Variants in MGAT4C observed in about 807,000 individuals in gnomAD.
The protein encoded by MGAT4C is MGAT4 family member C.
MGAT4C carries 19 observed loss-of-function variants against 40.1 expected under a neutral mutation model. The observed-to-expected ratio is 0.47, with a 90% CI of 0.33 to 0.70. The LOEUF (loss-of-function observed/expected upper bound fraction) is 0.70. Among genes scored for constraint, MGAT4C ranks in the 30% least tolerant of loss-of-function variants. The pLI, the probability that MGAT4C is intolerant of heterozygous loss-of-function variation, is 0.02. For synonymous variants in MGAT4C, 181 were observed against 187.1 expected (o/e 0.97, Z 0.27); for missense variants, 491 against 563.2 (o/e 0.87, Z 1.30).
At chr12:86,590,452 T>C (rs892090805) in intron 2 of MGAT4C, among the ~76,000 whole-genome samples, 3 of 151,946 alleles carry the variant, frequency 2.0e-5, no homozygotes, top group African/African-American at 7.2e-5. Flanking sequence ...CTCTTATATT[T>C]GCTGAAAAAT....
Position 85,966,907 on chromosome 12 carries a change from A to AG in MGAT4C, c.*12381dup, listed in dbSNP as rs1480489951. On this transcript the variant is annotated 3_prime_UTR_variant, in exon 5 of 5. Coordinates refer to ENST00000611864, the MANE Select transcript of MGAT4C (RefSeq NM_001351288.2). ...ACTGGGCCTGTTGTGGGGTCAGGGGAGGGGGGAGGGATAGCATTAGGAGAT... is the reference window on the plus strand; with the variant it reads ...ACTGGGCCTGTTGTGGGGTCAGGGGAGGGGGGGAGGGATAGCATTAGGAGAT... 2.3e-5 allele frequency: 3 copies of AG among 132,946 alleles called. No individual in the cohort carries two copies. Among genetic ancestry groups the AG allele is most frequent in the Non-Finnish European group, 3.3e-5 (2 of 61,536 alleles). The allele number at this position is 132,946 out of a possible 1,614,324, so 8.2% of individuals were successfully genotyped here.
intron 1 of MGAT4C, among the ~76,000 whole-genome samples, chr12:86,230,113 G>A (rs1055165710): frequency 6.6e-6 from 1 of 152,062 alleles, no homozygotes; most frequent in Admixed American, 6.5e-5. Context: ...TCCTATGATA[G>A]TGTCTAGTAT....
intron 1 of MGAT4C, among the ~76,000 whole-genome samples, chr12:86,212,081 G>T (rs1368909414): frequency 6.6e-6 from 1 of 152,176 alleles, no homozygotes; most frequent in Non-Finnish European, 1.5e-5. Flanking sequence ...AATTCAAAGA[G>T]TATAGCCCTA....
intron 1 of MGAT4C, among the ~76,000 whole-genome samples, chr12:86,790,610 T>C (rs1952006183): frequency 6.6e-6 from 1 of 152,118 alleles, no homozygotes; most frequent in Non-Finnish European, 1.5e-5. Flanking sequence ...TAATATCCCA[T>C]AGTTTTGAAG....
At chr12:86,363,582 A>T (rs1955529417) in intron 3 of MGAT4C, among the ~76,000 whole-genome samples, 1 of 152,084 alleles carries the variant, frequency 6.6e-6, no homozygotes, top group Non-Finnish European at 1.5e-5. Context: ...GAAAAACAAC[A>T]CAAAGAGAAA....
At chr12:86,692,853 C>A (rs1251233235) in intron 2 of MGAT4C, among the ~76,000 whole-genome samples, 1 of 152,046 alleles carries the variant, frequency 6.6e-6, no homozygotes, top group African/African-American at 2.4e-5. Flanking sequence ...GTGTACCACA[C>A]AAATTGTTTG....
At chr12:86,492,381 A>C (rs925272616) in intron 2 of MGAT4C, among the ~76,000 whole-genome samples, 4 of 152,160 alleles carry the variant, frequency 2.6e-5, no homozygotes, top group Admixed American at 2.6e-4. Context: ...GCATCACACT[A>C]CCTGACTTCA....
intron 2 of MGAT4C, among the ~76,000 whole-genome samples, chr12:86,556,996 A>C (rs1959642994): frequency 6.6e-6 from 1 of 152,194 alleles, no homozygotes; most frequent in African/African-American, 2.4e-5. Flanking sequence ...ACTCATGAAA[A>C]TATAAGAAGA....
At chr12:86,414,351 G>GT (rs1376009641) in intron 3 of MGAT4C, among the ~76,000 whole-genome samples, 3 of 152,008 alleles carry the variant, frequency 2.0e-5, no homozygotes, top group African/African-American at 7.2e-5. Flanking sequence ...ATACATTTTT[G>GT]TTTTTTAATT....
At chr12:86,597,766 C>A (rs184181793) in intron 2 of MGAT4C, among the ~76,000 whole-genome samples, 2 of 152,096 alleles carry the variant, frequency 1.3e-5, no homozygotes, top group African/African-American at 4.8e-5. Context: ...CAATCAATCA[C>A]CCCAATTTCC....
chr12:86,190,168 A>T (rs1889219339), intron 1 of MGAT4C, among the ~76,000 whole-genome samples: 1 of 152,092 alleles, frequency 6.6e-6, no homozygotes, highest in African/African-American at 2.4e-5. Context: ...GAAATGGAAA[A>T]GTCCTAACAA....
intron 4 of MGAT4C, among the ~76,000 whole-genome samples, chr12:86,300,472 T>G: frequency 6.6e-6 from 1 of 152,216 alleles, no homozygotes; most frequent in Non-Finnish European, 1.5e-5. Flanking sequence ...TCTAGGTATA[T>G]ATAGAGTACA....
intron 1 of MGAT4C, among the ~76,000 whole-genome samples, chr12:86,193,361 T>C (rs2135909290): frequency 6.6e-6 from 1 of 152,052 alleles, no homozygotes; most frequent in African/African-American, 2.4e-5. Context: ...ACCATAGAAC[T>C]TCTCTCCTCA....
At position 86,712,759 on chromosome 12, in the gene MGAT4C, G is replaced by T. The variant is rs76833873; in HGVS notation, c.-229+14450C>A. On this transcript the variant is annotated intron_variant, in intron 2 of 7. Transcript: ENST00000548651. ...TCAAGTCAGGTACCAGGAAGGAAAA[G>T]CTCTACTGAGTTCACACATAAAAGG... 3.4e-3 allele frequency among the ~76,000 whole-genome samples: 522 copies of T among 151,942 alleles called. 1 individual carries two copies. The highest frequency in any genetic ancestry group is 0.012 in the African/African-American group (500 of 41,458).
intron 1 of MGAT4C, among the ~76,000 whole-genome samples, chr12:86,125,656 A>G (rs1310990378): frequency 6.6e-6 from 1 of 152,216 alleles, no homozygotes; most frequent in Non-Finnish European, 1.5e-5. Flanking sequence ...ATTACAATAA[A>G]CAGGAGGGCA....
chr12:86,691,746 T>A (rs529280549), intron 2 of MGAT4C, among the ~76,000 whole-genome samples: 1 of 152,124 alleles, frequency 6.6e-6, no homozygotes, highest in South Asian at 2.1e-4. Context: ...ATACAACGTA[T>A]CCAAACACAC....
intron 3 of MGAT4C, among the ~76,000 whole-genome samples, chr12:86,419,246 C>T (rs1192020342): frequency 6.6e-6 from 1 of 151,860 alleles, no homozygotes; most frequent in African/African-American, 2.4e-5. Flanking sequence ...AAGATAATTT[C>T]TTCAATCTTA....
intron 3 of MGAT4C, among the ~76,000 whole-genome samples, chr12:86,352,570 T>C (rs565389037): frequency 6.6e-6 from 1 of 152,260 alleles, no homozygotes; most frequent in East Asian, 1.9e-4. Flanking sequence ...AAATTGTACT[T>C]CCTTATTCCC....
At chr12:86,578,171 T>C (rs77268912) in intron 2 of MGAT4C, among the ~76,000 whole-genome samples, 9,056 of 151,854 alleles carry the variant, frequency 0.06, 376 homozygotes, top group Middle Eastern at 0.088. Flanking sequence ...GGGTCCAAGA[T>C]AGTCGAATAG....
Sources: allele counts gnomAD v4.1 joint callset (sites outside exome capture counted in the v4.1 genomes callset), GRCh38; gene constraint gnomAD v4.1.1; transcripts MANE v1.5; gene names NCBI Gene and HGNC (gene_info 2026-07-23, HGNC 2026-07-21).